AGPS: variants seen among roughly 807,000 people sequenced by gnomAD.
The protein encoded by AGPS is alkyldihydroxyacetonephosphate synthase, peroxisomal.
In AGPS, 26 loss-of-function variants were observed where a neutral mutation model predicts 90.7. The ratio of observed to expected loss-of-function variants is 0.29; its 90% CI spans 0.21 to 0.40. The LOEUF is 0.40. AGPS is among the 10% of genes least tolerant of loss of function. The probability of loss-of-function intolerance (pLI) is 1.00; values close to 1 mark genes in which losing one functional copy is unlikely to be tolerated. For missense variants in AGPS, 540 were observed against 816.1 expected, an observed-to-expected ratio of 0.66 and a Z score of 4.12; for synonymous variants, 294 against 285.3, an observed-to-expected ratio of 1.03 and a Z score of -0.31.
intron 14 of AGPS, 26 bp from the exon 15 acceptor site, chr2:177,505,480 A>G (rs1271484836): frequency 6.3e-7 from 1 of 1,598,860 alleles, no homozygotes; most frequent in Non-Finnish European, 8.6e-7. Flanking sequence ...TAAAAAATTT[A>G]TTAACAGTTT....
intron 11 of AGPS, among the ~76,000 whole-genome samples, chr2:177,482,937 C>T (rs1687988450): frequency 6.6e-6 from 1 of 152,094 alleles, no homozygotes; most frequent in African/African-American, 2.4e-5. Flanking sequence ...CTTTTCCCAG[C>T]AGGGAGGAAG....
rs1686434220 is a variant in AGPS, at chr2:177,437,035, T to C, written c.618T>C (p.Pro206=). ...GGGAAGGAATGTTTGAGCGAATTCC[T>C]GATATAGTTTTATGGCCAAGTAAGT... is the stretch of plus-strand genomic sequence containing the variant. ...LLREGMFERI[P]DIVLWPTCHD... is the part of the protein sequence containing the mutation. The change falls in exon 5 of 20, where the codon CCT becomes CCC. Residue 206 remains proline (P), a synonymous_variant. Coordinates refer to ENST00000264167, the MANE Select transcript of AGPS (RefSeq NM_003659.4). 6.2e-7 allele frequency: 1 copy of C among 1,613,634 alleles called. No individual in the cohort carries two copies. The highest frequency in any genetic ancestry group is 8.5e-7 in the Non-Finnish European group (1 of 1,179,732).
chr2:177,453,133 A>G (rs1198121560), intron 8 of AGPS, among the ~76,000 whole-genome samples: 1 of 152,012 alleles, frequency 6.6e-6, no homozygotes, highest in Non-Finnish European at 1.5e-5. Context: ...TGAGTATATA[A>G]TTGTAGATTG....
chr2:177,404,563 A>G (rs1685415313), intron 1 of AGPS, among the ~76,000 whole-genome samples: 1 of 152,206 alleles, frequency 6.6e-6, no homozygotes, highest in South Asian at 2.1e-4. Context: ...TCTACTGTTA[A>G]CATGTTACTG....
At chr2:177,513,182 C>T (rs1234233927) in intron 16 of AGPS, among the ~76,000 whole-genome samples, 1 of 152,052 alleles carries the variant, frequency 6.6e-6, no homozygotes, top group East Asian at 1.9e-4. Context: ...GTAGTCCTGC[C>T]CTCCTGGGCT....
chr2:177,451,965 T>A (rs1211471287), intron 8 of AGPS, among the ~76,000 whole-genome samples: 1 of 151,876 alleles, frequency 6.6e-6, no homozygotes, highest in Non-Finnish European at 1.5e-5. Flanking sequence ...ATATGTTATT[T>A]AGTTCCCAAT....
chr2:177,403,313 A>G (rs147069699), intron 1 of AGPS, among the ~76,000 whole-genome samples: 1 of 152,332 alleles, frequency 6.6e-6, no homozygotes, highest in East Asian at 1.9e-4. Flanking sequence ...TTGGAAGAGT[A>G]TTGTTCTATG....
At chr2:177,459,165 T>A (rs896223544) in intron 8 of AGPS, among the ~76,000 whole-genome samples, 4 of 152,126 alleles carry the variant, frequency 2.6e-5, no homozygotes, top group Admixed American at 2.6e-4. Context: ...TATAAAAAAA[T>A]CAACTCAAGA....
intron 10 of AGPS, among the ~76,000 whole-genome samples, chr2:177,481,518 T>C (rs1184960820): frequency 6.6e-6 from 1 of 151,994 alleles, no homozygotes; most frequent in African/African-American, 2.4e-5. Context: ...ATTTTTTGTT[T>C]CTTAAAAGGG....
In AGPS at chr2:177,538,234, T is replaced by A. The variant is rs2079201372; in HGVS notation, c.*39T>A. On this transcript the variant is annotated 3_prime_UTR_variant, in exon 20 of 20. Transcript: ENST00000264167. ...ATTACAAAAAAATGTCAATTTTTTTTTTAAGTTTTCAACTGTGGTTATACT... is the reference window on the plus strand; with the variant it reads ...ATTACAAAAAAATGTCAATTTTTTTATTAAGTTTTCAACTGTGGTTATACT... 1 of 1,597,980 alleles carries A rather than the reference T, an allele frequency of 6.3e-7. No homozygotes were observed. The highest frequency in any genetic ancestry group is 1.3e-5 in the African/African-American group (1 of 74,428).
intron 9 of AGPS, among the ~76,000 whole-genome samples, chr2:177,463,541 A>G (rs1056840349): frequency 6.6e-6 from 1 of 152,132 alleles, no homozygotes; most frequent in Admixed American, 6.5e-5. Flanking sequence ...TATCTTTGTT[A>G]TTAGGAATAT....
At chr2:177,467,616 G>C (rs1687492646) in intron 9 of AGPS, among the ~76,000 whole-genome samples, 1 of 152,072 alleles carries the variant, frequency 6.6e-6, no homozygotes, top group Admixed American at 6.5e-5. Context: ...TTTGTTAATT[G>C]CTAGTGAATG....
intron 11 of AGPS, among the ~76,000 whole-genome samples, chr2:177,491,003 G>A (rs917378258): frequency 1.1e-4 from 17 of 151,682 alleles, no homozygotes; most frequent in African/African-American, 3.6e-4. Context: ...TTACAGGCAT[G>A]CACCACCACG....
At chr2:177,442,382 A>G (rs772681029) in intron 6 of AGPS, 25 bp from the exon 7 acceptor site, 1 of 1,560,198 alleles carries the variant, frequency 6.4e-7, no homozygotes, top group Non-Finnish European at 8.8e-7. Context: ...TTAAACATAA[A>G]AGTTGTTGTT....
chr2:177,474,670 A>G lies in AGPS; in HGVS notation c.1105+6146A>G, dbSNP rs192545569. 1.5e-4 allele frequency among the ~76,000 whole-genome samples: 23 copies of G among 152,248 alleles called. No individual in the cohort carries two copies. The East Asian group carries it at 4.4e-3, about 29-fold the overall frequency. Reference sequence around the variant, plus strand: ...TCTGCCTCCTGTATCTACCATAACCATCTATGTATATATTTTTTAAAAAAC... The same window carrying G: ...TCTGCCTCCTGTATCTACCATAACCGTCTATGTATATATTTTTTAAAAAAC... On this transcript the variant is annotated intron_variant, in intron 10 of 19. Coordinates refer to ENST00000264167, the MANE Select transcript of AGPS (RefSeq NM_003659.4).
chr2:177,485,733 A>G (rs1688074048), intron 11 of AGPS, among the ~76,000 whole-genome samples: 1 of 152,150 alleles, frequency 6.6e-6, no homozygotes, highest in South Asian at 2.1e-4. Flanking sequence ...TCTGGGCAAC[A>G]TGGCGAAACC....
intron 19 of AGPS, among the ~76,000 whole-genome samples, chr2:177,537,079 T>C (rs2079190983): frequency 6.6e-6 from 1 of 152,292 alleles, no homozygotes; most frequent in South Asian, 2.1e-4. Flanking sequence ...ATTAGTATGA[T>C]AATAGGTTTT....
rs375071040 is a variant in AGPS at position 177,521,379 on chromosome 2, A to G, written c.1797+11A>G. 1.0e-5 allele frequency: 16 copies of G among 1,578,166 alleles called. No homozygotes were observed. In the African/African-American group the frequency reaches 1.9e-4, roughly 19 times the overall value. ...TTTGAACAAACTGAGGTAATTTTGC[A>G]TACCTGCATATAGCTTTTACAGCTG... On this transcript the variant is annotated intron_variant, in intron 18 of 19. Coordinates refer to ENST00000264167, the MANE Select transcript of AGPS (RefSeq NM_003659.4).
Position 177,538,817 on chromosome 2 carries a change from A to T in AGPS, c.*622A>T, listed in dbSNP as rs1351106250. ...TATACAAATTATTCTGTTAGGGGAC[A>T]TGTTTTTGTTCTCCATGTTTCTGTT... On this transcript the variant is annotated 3_prime_UTR_variant, in exon 20 of 20. Transcript: ENST00000264167. The T allele has an allele frequency of 1.3e-5, 2 of 152,286 alleles. No homozygotes were observed. The highest frequency in any genetic ancestry group is 4.8e-5 in the African/African-American group (2 of 41,362). 9.4% of individuals were successfully genotyped at this position (152,286 alleles called of 1,614,324 possible). A position where few individuals can be genotyped will look rare whatever the true frequency, so the allele number is the denominator to read the frequency against.
Sources: gnomAD v4.1 joint callset for allele counts (sites outside exome capture counted in the v4.1 genomes callset) on GRCh38, gnomAD v4.1.1 for gene constraint, MANE v1.5 for transcripts, NCBI Gene and HGNC (gene_info 2026-07-23, HGNC 2026-07-21) for gene names.